RBM39: variants seen among roughly 807,000 people sequenced by gnomAD.
The protein encoded by RBM39 is RNA binding motif protein 39, also known as RNA-binding protein 39.
A neutral mutation model predicts 79.6 loss-of-function variants in RBM39; 12 were observed. The observed-to-expected ratio is 0.15, with a 90% CI of 0.10 to 0.24. RBM39 has a LOEUF of 0.24. Among genes scored for constraint, RBM39 ranks in the 10% least tolerant of loss-of-function variants. The pLI, the probability that RBM39 is intolerant of heterozygous loss-of-function variation, is 1.00. For synonymous variants in RBM39, 185 were observed against 208.4 expected (o/e 0.89, Z 0.97); for missense variants, 243 against 653.4 (o/e 0.37, Z 6.85).
chr20:35,725,736 C>T (rs2038595565), intron 6 of RBM39, among the ~76,000 whole-genome samples: 2 of 150,430 alleles, frequency 1.3e-5, no homozygotes, highest in African/African-American at 4.9e-5. Flanking sequence ...CATCTTGGCT[C>T]ACCACAACCT....
chr20:35,733,131 CCT>C (rs966646041), intron 3 of RBM39, among the ~76,000 whole-genome samples: 1 of 151,858 alleles, frequency 6.6e-6, no homozygotes, highest in Admixed American at 6.6e-5. Context: ...GGTGAAATCC[CCT>C]CTCTACCAAA....
Position 35,703,296 on chromosome 20 carries a change from T to C in RBM39, c.*1185A>G, listed in dbSNP as rs1296400379. ...TTTGAAGTTAAGCCATTTTGTTAAG[T>C]ATGTATTGTAAATGGTGAAAATTTC... On this transcript the variant is annotated 3_prime_UTR_variant, in exon 17 of 17. Coordinates refer to ENST00000253363, the MANE Select transcript of RBM39 (RefSeq NM_184234.3). The C allele has an allele frequency of 6.6e-6, 1 of 152,194 alleles. No homozygotes were observed. The highest frequency in any genetic ancestry group is 2.4e-5 in the African/African-American group (1 of 41,434). 9.4% of individuals were successfully genotyped at this position (152,194 alleles called of 1,614,324 possible). A position where few individuals can be genotyped will look rare whatever the true frequency, so the allele number is the denominator to read the frequency against.
At chr20:35,722,269 C>T (rs1285900166) in intron 8 of RBM39, among the ~76,000 whole-genome samples, 2 of 151,488 alleles carry the variant, frequency 1.3e-5, no homozygotes, top group East Asian at 3.9e-4. Flanking sequence ...TAGCCGGGTG[C>T]GGTGGTGGGC....
intron 6 of RBM39, 34 bp downstream of exon 6, chr20:35,729,275 CTTT>C (rs762098437): frequency 6.5e-7 from 1 of 1,529,836 alleles, no homozygotes; most frequent in East Asian, 2.3e-5. Context: ...GCTGCAAAAG[CTTT>C]TTAAGAGCTA....
At chr20:35,738,370 C>G (rs769873817) in intron 3 of RBM39, among the ~76,000 whole-genome samples, 1 of 152,184 alleles carries the variant, frequency 6.6e-6, no homozygotes, top group African/African-American at 2.4e-5. Context: ...TATTGAGTCA[C>G]TCATCTTACC....
intron 4 of RBM39, among the ~76,000 whole-genome samples, chr20:35,730,095 G>A (rs1452850855): frequency 6.6e-6 from 1 of 152,146 alleles, no homozygotes; most frequent in Non-Finnish European, 1.5e-5. Flanking sequence ...TCTTAAGACA[G>A]CATGACACCA....
intron 6 of RBM39, among the ~76,000 whole-genome samples, 186 bp downstream of exon 6, chr20:35,729,126 T>C (rs566125352): frequency 6.6e-6 from 1 of 152,222 alleles, no homozygotes; most frequent in Non-Finnish European, 1.5e-5. Context: ...GCTTTAATTA[T>C]ATGAAATTAA....
chr20:35,725,763 A>G (rs2038600890), intron 6 of RBM39, among the ~76,000 whole-genome samples: 1 of 150,722 alleles, frequency 6.6e-6, no homozygotes. Flanking sequence ...CCCTGAGTTC[A>G]AGCAATTCTG....
intron 8 of RBM39, among the ~76,000 whole-genome samples, chr20:35,724,054 A>C (rs1180271948): frequency 6.6e-6 from 1 of 151,982 alleles, no homozygotes; most frequent in Non-Finnish European, 1.5e-5. Context: ...AAACAAGGCC[A>C]GGTGTGGTGG....
At chr20:35,735,186 TTTTA>T in intron 3 of RBM39, 4 of 1,344,520 alleles carry the variant, frequency 3.0e-6, no homozygotes, top group Non-Finnish European at 3.9e-6. Flanking sequence ...TAATGTTATC[TTTTA>T]TTGAGTAATT....
At chr20:35,716,160 A>G (rs554881662) in intron 10 of RBM39, among the ~76,000 whole-genome samples, 16 of 151,886 alleles carry the variant, frequency 1.1e-4, no homozygotes, top group Non-Finnish European at 1.9e-4. Context: ...TGCAATCTCC[A>G]TATCCTGGGT....
At chr20:35,732,552 G>A (rs2146693331) in intron 3 of RBM39, 1 of 176,538 alleles carries the variant, frequency 5.7e-6, no homozygotes, top group South Asian at 1.2e-4. Context: ...GTAAGACTCT[G>A]TCTAAAAAAA....
chr20:35,728,708 C>T (rs1459497035), intron 6 of RBM39, among the ~76,000 whole-genome samples: 1 of 151,876 alleles, frequency 6.6e-6, no homozygotes, highest in Non-Finnish European at 1.5e-5. Context: ...ACCCAGGAGG[C>T]AGAGGTTGCA....
At chr20:35,719,500 G>C (rs956337587) in intron 9 of RBM39, among the ~76,000 whole-genome samples, 1 of 151,914 alleles carries the variant, frequency 6.6e-6, no homozygotes, top group Non-Finnish European at 1.5e-5. Flanking sequence ...TCAAGAGTTC[G>C]AGACCAACCT....
intron 6 of RBM39, among the ~76,000 whole-genome samples, chr20:35,727,718 C>T (rs937177048): frequency 1.3e-5 from 2 of 150,466 alleles, no homozygotes; most frequent in African/African-American, 2.5e-5. Flanking sequence ...GGCGCGATCT[C>T]GGCTCACTGC....
At chr20:35,707,051 A>AAT in intron 14 of RBM39, 69 bp downstream of exon 14, 5 of 653,382 alleles carry the variant, frequency 7.7e-6, no homozygotes, top group Non-Finnish European at 1.2e-5. Context: ...AAAAAAAAAA[A>AAT]GAGAAATATA....
At chr20:35,716,567 G>GA (rs912892706) in intron 10 of RBM39, among the ~76,000 whole-genome samples, 173 bp downstream of exon 10, 11 of 151,962 alleles carry the variant, frequency 7.2e-5, no homozygotes, top group South Asian at 2.1e-4. Context: ...CCTTTGTTGT[G>GA]AAAAAAACTT....
intron 15 of RBM39, 139 bp from the exon 16 acceptor site, chr20:35,704,885 A>T (rs1187031026): frequency 3.0e-6 from 2 of 669,196 alleles, no homozygotes; most frequent in African/African-American, 3.6e-5. Flanking sequence ...ACTGGCTAAT[A>T]GGTATACTAG....
Position 35,707,202 on chromosome 20 carries a change from C to A in RBM39, c.1226-1G>T. 6.3e-7 allele frequency: 1 copy of A among 1,599,634 alleles called. No individual in the cohort carries two copies. ...GAGGCAGCTGCAGCTAAAGCTGAAG[C>A]TAAAAAAAGAAAGAGAAAAATTAGT... On this transcript the variant is annotated splice_acceptor_variant, in intron 13 of 16. Coordinates refer to ENST00000253363, the MANE Select transcript of RBM39 (RefSeq NM_184234.3). LOFTEE classifies it high-confidence loss of function.
Sources: allele counts gnomAD v4.1 joint callset (sites outside exome capture counted in the v4.1 genomes callset), GRCh38; gene constraint gnomAD v4.1.1; transcripts MANE v1.5; gene names NCBI Gene and HGNC (gene_info 2026-07-23, HGNC 2026-07-21).